Variants in EML5 observed in about 807,000 individuals in gnomAD.
EML5 encodes the protein echinoderm microtubule-associated protein-like 5.
In EML5, 120 loss-of-function variants were observed where a neutral mutation model predicts 250.0. The observed-to-expected ratio is 0.48, with a 90% CI of 0.41 to 0.56. EML5 has a LOEUF of 0.56. Ranked by LOEUF, EML5 falls within the 20% of genes least tolerant of loss-of-function variation. EML5 has a pLI of 0.00. For missense variants in EML5, 2,006 were observed against 2,437.6 expected, an observed-to-expected ratio of 0.82 and a Z score of 3.73; for synonymous variants, 771 against 806.5, an observed-to-expected ratio of 0.96 and a Z score of 0.75.
intron 6 of EML5, among the ~76,000 whole-genome samples, chr14:88,737,984 T>C (rs1019966909): frequency 1.2e-4 from 18 of 152,222 alleles, no homozygotes; most frequent in Non-Finnish European, 4.4e-5. Context: ...TACTCCTGAA[T>C]GTCTTTTGTA....
chr14:88,657,526 T>G, intron 26 of EML5, 24 bp from the exon 27 acceptor site: 1 of 1,571,838 alleles, frequency 6.4e-7, no homozygotes, highest in South Asian at 1.2e-5. Context: ...ATACGAGTAA[T>G]TCTTTAAGCA....
intron 35 of EML5, 48 bp from the exon 36 acceptor site, chr14:88,625,175 T>G (rs775485192): frequency 6.3e-7 from 1 of 1,598,650 alleles, no homozygotes; most frequent in South Asian, 1.1e-5. Flanking sequence ...AAAGTTCAAA[T>G]AGAGTTTAAA....
At chr14:88,718,274 G>A (rs961863752) in intron 8 of EML5, among the ~76,000 whole-genome samples, 55 of 152,138 alleles carry the variant, frequency 3.6e-4, no homozygotes, top group African/African-American at 1.2e-3. Flanking sequence ...ATAACAGCTG[G>A]AGCTGTGCAT....
rs544654955 is a variant in EML5 at position 88,772,731 on chromosome 14, C to T, written c.198-18060G>A. 7.3e-5 allele frequency among the ~76,000 whole-genome samples: 11 copies of T among 151,578 alleles called. No individual in the cohort carries two copies. The East Asian group carries it at 1.2e-3, about 16-fold the overall frequency. ...TCCTGCCACTGCACTCCAGCCTGGG[C>T]GACAGGGCAAGACTCCATCTCAAAA... On this transcript the variant is annotated intron_variant, in intron 1 of 43. Coordinates refer to ENST00000554922, the MANE Select transcript of EML5 (RefSeq NM_183387.3).
At chr14:88,708,638 G>A (rs898647799) in intron 10 of EML5, among the ~76,000 whole-genome samples, 1 of 152,134 alleles carries the variant, frequency 6.6e-6, no homozygotes, top group African/African-American at 2.4e-5. Context: ...ATGCACAGAA[G>A]AGGGCAAAAG....
Position 88,682,042 on chromosome 14 carries a change from A to C in EML5, c.2983-11T>G. 1 of 1,581,482 alleles carries C rather than the reference A, an allele frequency of 6.3e-7. No homozygotes were observed. Among genetic ancestry groups the C allele is most frequent in the Non-Finnish European group, 8.6e-7 (1 of 1,168,248 alleles). On this transcript the variant is annotated splice_polypyrimidine_tract_variant and intron_variant, in intron 20 of 43. Coordinates refer to ENST00000554922, the MANE Select transcript of EML5 (RefSeq NM_183387.3). ...TCCTTCCATGTGTCCCTATAAAGAA[A>C]ACATAGGATCAATTTAGTGTATGTG...
rs138813401 is a variant in EML5 at position 88,682,576 on chromosome 14, A to C, written c.2983-545T>G. On this transcript the variant is annotated intron_variant, in intron 20 of 43. Transcript: ENST00000554922. The stretch of plus-strand genomic sequence containing the variant: ...CCTTCCTCCCTCCTCATCTGGTTGG[A>C]AACTCCGAGACTGATGCAACCAAGA... Among the ~76,000 whole-genome samples, 3 of 152,238 alleles carry C rather than the reference A, an allele frequency of 2.0e-5. No individual in the cohort carries two copies. In the East Asian group the frequency reaches 5.8e-4, roughly 29 times the overall value.
intron 21 of EML5, 114 bp downstream of exon 21, chr14:88,681,776 T>C: frequency 1.7e-6 from 2 of 1,191,134 alleles, no homozygotes; most frequent in Non-Finnish European, 2.3e-6. Flanking sequence ...ATTGAATAAA[T>C]ATTTCAACAT....
Position 88,626,772 on chromosome 14 carries a change from T to C in EML5, c.4740+66A>G, listed in dbSNP as rs967297516. On this transcript the variant is annotated intron_variant, in intron 35 of 43. Transcript: ENST00000554922. The stretch of plus-strand genomic sequence containing the variant: ...ATCATCTCAACAACATTCATGTGGC[T>C]GATGATCTAAGGCAAGAGAATGTAA... 4 of 1,502,720 alleles carry C rather than the reference T, an allele frequency of 2.7e-6. No individual in the cohort carries two copies. The African/African-American group carries it at 5.5e-5, about 21-fold the overall frequency. The allele number at this position is 1,502,720 out of a possible 1,614,324, so 93.1% of individuals were successfully genotyped here.
intron 8 of EML5, among the ~76,000 whole-genome samples, chr14:88,724,107 A>G (rs927759890): frequency 7.1e-5 from 6 of 84,752 alleles, no homozygotes; most frequent in African/African-American, 5.0e-4. Context: ...CATCTCTACT[A>G]AAAATACAAA....
At chr14:88,696,506 T>C (rs1323194259) in intron 15 of EML5, among the ~76,000 whole-genome samples, 2 of 152,174 alleles carry the variant, frequency 1.3e-5, no homozygotes, top group Non-Finnish European at 2.9e-5. Context: ...ACTCTGGCTA[T>C]AAAACGGTAA....
At chr14:88,725,451 G>A (rs770261849) in intron 8 of EML5, among the ~76,000 whole-genome samples, 10 of 152,114 alleles carry the variant, frequency 6.6e-5, no homozygotes, top group South Asian at 2.1e-4. Flanking sequence ...TAAAGAGTAC[G>A]AAGTTTCAGT....
At chr14:88,748,639 G>C (rs952166722) in intron 2 of EML5, among the ~76,000 whole-genome samples, 1 of 152,206 alleles carries the variant, frequency 6.6e-6, no homozygotes, top group Admixed American at 6.5e-5. Flanking sequence ...TCACTCAATA[G>C]AAACAGACTC....
intron 37 of EML5, chr14:88,621,725 A>G (rs2088978756): frequency 1.3e-5 from 4 of 305,398 alleles, no homozygotes; most frequent in South Asian, 1.2e-4. Flanking sequence ...TTATAAATAC[A>G]CTTAATAAGT....
chr14:88,675,179 G>A (rs547816506), intron 21 of EML5, among the ~76,000 whole-genome samples: 10 of 152,296 alleles, frequency 6.6e-5, no homozygotes, highest in South Asian at 2.1e-4. Flanking sequence ...TCCACTAGGC[G>A]GTGCCCCAGT....
At chr14:88,618,407 T>G in intron 40 of EML5, 76 bp from the exon 41 acceptor site, 1 of 1,286,748 alleles carries the variant, frequency 7.8e-7, no homozygotes, top group South Asian at 1.2e-5. Context: ...TACAGAATAC[T>G]AGCATATTGC....
intron 8 of EML5, among the ~76,000 whole-genome samples, chr14:88,717,924 G>C (rs961875101): frequency 1.3e-5 from 2 of 152,166 alleles, no homozygotes; most frequent in East Asian, 3.8e-4. Context: ...ATTATAGGAC[G>C]TAATACGTAC....
intron 35 of EML5, chr14:88,626,406 AGCT>A (rs1403834910): frequency 6.1e-6 from 1 of 163,690 alleles, no homozygotes; most frequent in East Asian, 1.7e-4. Context: ...AGGATCACAT[AGCT>A]TAGGAGCTTG....
chr14:88,669,519 T>TCA lies in EML5; in HGVS notation c.3125-4032_3125-4031dup, dbSNP rs533224018. 5.0e-3 allele frequency among the ~76,000 whole-genome samples: 756 copies of TCA among 152,226 alleles called. 8 individuals are homozygous for TCA. The highest frequency in any genetic ancestry group is 4.6e-3 in the Admixed American group (71 of 15,302). The stretch of plus-strand genomic sequence containing the variant: ...TAGGTCGGACCCTGACCATAACCCC[T>TCA]CACTGTGCGGGGCCTCCCTGCAGGA... On this transcript the variant is annotated intron_variant, in intron 21 of 43. Coordinates refer to ENST00000554922, the MANE Select transcript of EML5 (RefSeq NM_183387.3).
Sources: allele counts gnomAD v4.1 joint callset (sites outside exome capture counted in the v4.1 genomes callset), GRCh38; gene constraint gnomAD v4.1.1; transcripts MANE v1.5; gene names NCBI Gene and HGNC (gene_info 2026-07-23, HGNC 2026-07-21).